GABRR1: variants seen among roughly 807,000 people sequenced by gnomAD.
GABRR1 encodes gamma-aminobutyric acid type A receptor subunit rho1, also known as gamma-aminobutyric acid receptor subunit rho-1.
A neutral mutation model predicts 55.5 loss-of-function variants in GABRR1; 59 were observed. The observed-to-expected ratio is 1.06, with a 90% CI of 0.86 to 1.32. GABRR1 has a LOEUF of 1.32. Among genes scored for constraint, GABRR1 ranks in the 40% most tolerant of loss-of-function variants. The pLI, the probability that GABRR1 is intolerant of heterozygous loss-of-function variation, is 0.00. For synonymous variants in GABRR1, 213 were observed against 226.0 expected (o/e 0.94, Z 0.51); for missense variants, 602 against 619.1 (o/e 0.97, Z 0.29).
intron 8 of GABRR1, among the ~76,000 whole-genome samples, chr6:89,181,033 A>C (rs918297682): frequency 6.6e-6 from 1 of 152,218 alleles, no homozygotes; most frequent in African/African-American, 2.4e-5. Context: ...TTGAGGGTCA[A>C]TTTCACTAAG....
At chr6:89,192,079 G>T (rs1772110818) in intron 5 of GABRR1, among the ~76,000 whole-genome samples, 2 of 152,004 alleles carry the variant, frequency 1.3e-5, no homozygotes, top group Non-Finnish European at 2.9e-5. Context: ...CATTTGAGTG[G>T]TCAGTTTCTG....
intron 1 of GABRR1, among the ~76,000 whole-genome samples, chr6:89,211,377 C>T (rs1273451507): frequency 1.3e-5 from 2 of 152,196 alleles, no homozygotes; most frequent in Non-Finnish European, 2.9e-5. Context: ...TAAAACTCTC[C>T]TGTCTTCCTC....
chr6:89,185,991 G>A (rs1475429219), intron 6 of GABRR1, among the ~76,000 whole-genome samples: 1 of 152,154 alleles, frequency 6.6e-6, no homozygotes, highest in Non-Finnish European at 1.5e-5. Context: ...TCCTACTCAG[G>A]GTAAAGTCGA....
rs1771635598 is a variant in GABRR1, at chr6:89,179,064, C to A, written c.1147-1G>T. 1.2e-6 allele frequency: 2 copies of A among 1,612,560 alleles called. No individual in the cohort carries two copies. Among genetic ancestry groups the A allele is most frequent in the African/African-American group, 1.3e-5 (1 of 74,928 alleles). ...GAGGTAATCCGCTGGTGCAGGGAAG[C>A]TGCAAACAGTAAACACATGTTGGGG... On this transcript the variant is annotated splice_acceptor_variant, in intron 9 of 9. Coordinates refer to ENST00000454853, the MANE Select transcript of GABRR1 (RefSeq NM_002042.5). LOFTEE classifies it high-confidence loss of function.
upstream of GABRR1, among the ~76,000 whole-genome samples, chr6:89,218,427 CTCT>C (rs1410664163): frequency 2.0e-5 from 3 of 152,180 alleles, no homozygotes; most frequent in African/African-American, 7.2e-5. Flanking sequence ...CCTTTTCTTT[CTCT>C]TCTTGTGCTA....
At chr6:89,215,475 A>G (rs1353509853) in intron 1 of GABRR1, among the ~76,000 whole-genome samples, 2 of 152,204 alleles carry the variant, frequency 1.3e-5, no homozygotes, top group African/African-American at 4.8e-5. Context: ...TGTGAAATCT[A>G]AAACAACAGA....
intron 7 of GABRR1, 61 bp downstream of exon 7, chr6:89,185,247 AGG>A: frequency 6.3e-7 from 1 of 1,599,142 alleles, no homozygotes; most frequent in South Asian, 1.1e-5. Context: ...CCTATAATAG[AGG>A]GTGAACCTTG....
At chr6:89,203,578 C>G in intron 1 of GABRR1, 93 bp from the exon 2 acceptor site, 10 of 893,846 alleles carry the variant, frequency 1.1e-5, no homozygotes, top group Admixed American at 1.9e-5. Flanking sequence ...TGCTTCAAAT[C>G]TATCCAGAAT....
intron 8 of GABRR1, 141 bp from the exon 9 acceptor site, chr6:89,180,629 A>G (rs1363546313): frequency 1.5e-5 from 15 of 1,011,108 alleles, no homozygotes; most frequent in Non-Finnish European, 2.1e-5. Flanking sequence ...GCAAACACCT[A>G]CACATCTTTC....
chr6:89,185,401 G>A lies in GABRR1; in HGVS notation c.705C>T (p.Asp235=). ...AGATCCGTTCATCTGTCTTTAAGGA[G>A]TCATTGCCCTTTTTCCAGTACAGCA... The part of the protein sequence containing the change: ...DLMLYWKKGN[D]SLKTDERISL... Residue 235 remains aspartate (D), a synonymous_variant, in exon 7 of 10, where the codon GAC becomes GAT. Coordinates refer to ENST00000454853, the MANE Select transcript of GABRR1 (RefSeq NM_002042.5). The A allele has an allele frequency of 6.2e-7, 1 of 1,613,638 alleles. No homozygotes were observed. Among genetic ancestry groups the A allele is most frequent in the Non-Finnish European group, 8.5e-7 (1 of 1,179,624 alleles).
chr6:89,203,252 T>C (rs1233313588), intron 2 of GABRR1, among the ~76,000 whole-genome samples, 183 bp downstream of exon 2: 5 of 152,124 alleles, frequency 3.3e-5, no homozygotes, highest in Non-Finnish European at 7.4e-5. Flanking sequence ...ACCAGCTCGA[T>C]CCAGGAGCCA....
chr6:89,213,754 A>G (rs1772898389), intron 1 of GABRR1, among the ~76,000 whole-genome samples: 1 of 152,234 alleles, frequency 6.6e-6, no homozygotes, highest in Admixed American at 6.5e-5. Context: ...AGTATTCAGT[A>G]TATGCTTACC....
chr6:89,198,032 A>T lies in GABRR1; in HGVS notation c.560T>A (p.Leu187His). Residue 187 changes from leucine to histidine, a missense_variant, in exon 5 of 10, where the codon CTC becomes CAC. Around this residue, in one of 3 missense-constraint regions of GABRR1, gnomAD observed 435 missense variants for 424.2 expected, o/e 1.03. Coordinates refer to ENST00000454853, the MANE Select transcript of GABRR1 (RefSeq NM_002042.5). ...MLRVQPDGKVLYSLRVTVTAM... is the reference protein window; with the variant it reads ...MLRVQPDGKVHYSLRVTVTAM... ...CCTTTCTTCCTACCTGAGACTATAG[A>T]GCACTTTCCCATCAGGCTGGACCCG... 6.2e-7 allele frequency: 1 copy of T among 1,613,672 alleles called. No individual in the cohort carries two copies. Among genetic ancestry groups the T allele is most frequent in the Admixed American group, 1.7e-5 (1 of 60,028 alleles).
At chr6:89,222,137 T>G (rs945235752), upstream of GABRR1, among the ~76,000 whole-genome samples, 2 of 152,228 alleles carry the variant, frequency 1.3e-5, no homozygotes, top group Admixed American at 1.3e-4. Context: ...CACTCATCAC[T>G]TCAATTCACA....
intron 3 of GABRR1, among the ~76,000 whole-genome samples, chr6:89,200,082 G>A (rs1006482078): frequency 6.6e-6 from 1 of 152,058 alleles, no homozygotes; most frequent in Non-Finnish European, 1.5e-5. Flanking sequence ...ATGAAGGGCA[G>A]GCATGGAGCA....
Position 89,199,434 on chromosome 6 carries a change from G to A in GABRR1, c.281-5C>T, listed in dbSNP as rs1485053438. On this transcript the variant is annotated splice_region_variant and splice_polypyrimidine_tract_variant and intron_variant, in intron 3 of 9. Transcript: ENST00000454853. Reference sequence around the variant, plus strand: ...CACCAACAGGAATGGCAGGGCCTGGGGACAGAGCATGGCAAGAGCATTCAC... The same window carrying A: ...CACCAACAGGAATGGCAGGGCCTGGAGACAGAGCATGGCAAGAGCATTCAC... The A allele has an allele frequency of 1.2e-6, 2 of 1,613,612 alleles. No individual in the cohort carries two copies. The highest frequency in any genetic ancestry group is 1.3e-5 in the African/African-American group (1 of 74,898).
chr6:89,194,195 T>C (rs1284986828), intron 5 of GABRR1, among the ~76,000 whole-genome samples: 1 of 152,194 alleles, frequency 6.6e-6, no homozygotes, highest in African/African-American at 2.4e-5. Flanking sequence ...AGAGTGGCTG[T>C]TCAGTAGCAC....
At chr6:89,216,243 G>A (rs1772977596) in intron 1 of GABRR1, among the ~76,000 whole-genome samples, 1 of 152,218 alleles carries the variant, frequency 6.6e-6, no homozygotes, top group Non-Finnish European at 1.5e-5. Context: ...GGAGGACACT[G>A]AGGTGCTAGA....
At chr6:89,196,822 G>GGAACGAAAGAAA in intron 5 of GABRR1, among the ~76,000 whole-genome samples, 1 of 91,062 alleles carries the variant, frequency 1.1e-5, no homozygotes, top group Non-Finnish European at 2.2e-5. Context: ...AAGAAAAGAA[G>GGAACGAAAGAAA]GAAAGAAAGA....
Sources: allele counts gnomAD v4.1 joint callset (sites outside exome capture counted in the v4.1 genomes callset), GRCh38; gene constraint gnomAD v4.1.1; regional missense constraint gnomAD v4.1.1; transcripts MANE v1.5; gene names NCBI Gene and HGNC (gene_info 2026-07-23, HGNC 2026-07-21).